The following KANK2 variants were observed in gnomAD, a reference collection of about 807,000 sequenced individuals.
KANK2 encodes the protein KN motif and ankyrin repeat domains 2, also known as KN motif and ankyrin repeat domain-containing protein 2.
A neutral mutation model predicts 74.6 loss-of-function variants in KANK2; 41 were observed. That is an observed-to-expected ratio of 0.55 (90% CI 0.43 to 0.71). The LOEUF is 0.71. Ranked by LOEUF, KANK2 falls within the 30% of genes least tolerant of loss-of-function variation. The pLI is 0.00. For missense variants in KANK2, 1,148 were observed against 1,196.4 expected, an observed-to-expected ratio of 0.96 and a Z score of 0.60; for synonymous variants, 537 against 519.0, an observed-to-expected ratio of 1.03 and a Z score of -0.47.
chr19:11,184,302 G>T (rs2031648186), intron 4 of KANK2, among the ~76,000 whole-genome samples: 1 of 150,108 alleles, frequency 6.7e-6, no homozygotes. Context: ...CTTGAACCTG[G>T]GAGGCAGAGG....
chr19:11,168,334 G>A (rs1232766735), intron 12 of KANK2, among the ~76,000 whole-genome samples: 3 of 150,830 alleles, frequency 2.0e-5, no homozygotes, highest in Non-Finnish European at 4.4e-5. Flanking sequence ...AGACAAGGCG[G>A]CACTCTGTCA....
In KANK2 at chr19:11,175,937, G is replaced by C; in HGVS notation, c.1813C>G (p.Leu605Val). 3 of 1,613,968 alleles carry C rather than the reference G, an allele frequency of 1.9e-6. No homozygotes were observed. The highest frequency in any genetic ancestry group is 2.5e-6 in the Non-Finnish European group (3 of 1,179,920). The change falls in exon 8 of 13, where the codon CTG (leucine) becomes GTG (valine). Residue 605 changes from leucine (L) to valine (V), a missense_variant. Transcript: ENST00000586659. ...ISACLALEKY[L>V]DNPNALTERE... Reference sequence around the variant, plus strand: ...TCTGTGAGGGCGTTGGGATTGTCCAGGTACTTTTCCAGGGCCAAGCAGGCT... The same window carrying C: ...TCTGTGAGGGCGTTGGGATTGTCCACGTACTTTTCCAGGGCCAAGCAGGCT...
chr19:11,186,825 G>A (rs1358745654), intron 4 of KANK2, among the ~76,000 whole-genome samples: 1 of 152,212 alleles, frequency 6.6e-6, no homozygotes, highest in African/African-American at 2.4e-5. Context: ...TTTTGGAAAG[G>A]ATCAGACAGG....
intron 9 of KANK2, among the ~76,000 whole-genome samples, chr19:11,174,001 C>T (rs779707673): frequency 6.6e-6 from 1 of 152,098 alleles, no homozygotes; most frequent in Non-Finnish European, 1.5e-5. Flanking sequence ...GTGCCCCCCC[C>T]ATCAGACTGG....
rs1600811720 is a variant in KANK2 at position 11,176,792 on chromosome 19, T to C, written c.1546A>G (p.Ser516Gly). 1.3e-6 allele frequency: 2 copies of C among 1,555,968 alleles called. No homozygotes were observed. Among genetic ancestry groups the C allele is most frequent in the East Asian group, 2.3e-5 (1 of 43,214 alleles). ...TTGTCTGAGATGTTCTCTGCTGTGC[T>C]GGAGTCCTCGGATGACGACTCATAC... Reference protein sequence around the residue: ...GGYESSSEDSSTAENISDNDS... With the variant: ...GGYESSSEDSGTAENISDNDS... Residue 516 changes from serine to glycine, a missense_variant, in exon 7 of 13, where the codon AGC becomes GGC. Physicochemically the swap from Ser to Gly is moderately conservative, Grantham distance 56. Coordinates refer to ENST00000586659, the MANE Select transcript of KANK2 (RefSeq NM_001136191.3).
rs1449292934 is a variant in KANK2, at chr19:11,176,707, G to A, written c.1631C>T (p.Ala544Val). Reference protein sequence around the residue: ...PRERVPSVAEAPQLRPAGTAA... With the variant: ...PRERVPSVAEVPQLRPAGTAA... ...CGTCCCTGCAGGCCTGAGCTGGGGG[G>A]CTTCGGCCACACTCGGAACCCTCTC... is the stretch of plus-strand genomic sequence containing the variant. Residue 544 changes from alanine to valine, a missense_variant, in exon 7 of 13, where the codon GCC becomes GTC. By Grantham distance (64) the Ala-to-Val change is moderately conservative (BLOSUM62 0). Coordinates refer to ENST00000586659, the MANE Select transcript of KANK2 (RefSeq NM_001136191.3). 1.9e-6 allele frequency: 3 copies of A among 1,612,412 alleles called. No individual in the cohort carries two copies. Among genetic ancestry groups the A allele is most frequent in the East Asian group, 2.2e-5 (1 of 44,850 alleles).
At chr19:11,171,688 T>A (rs2078177815) in intron 10 of KANK2, among the ~76,000 whole-genome samples, 1 of 151,142 alleles carries the variant, frequency 6.6e-6, no homozygotes, top group Non-Finnish European at 1.5e-5. Flanking sequence ...CCTTAATTTT[T>A]TTTTTTTTGA....
chr19:11,166,710 G>A, intron 12 of KANK2, 99 bp from the exon 13 acceptor site: 1 of 1,166,988 alleles, frequency 8.6e-7, no homozygotes, highest in South Asian at 1.3e-5. Flanking sequence ...GGGTAAGCAG[G>A]AGGGAGGCGT....
intron 4 of KANK2, 26 bp downstream of exon 4, chr19:11,192,805 T>A: frequency 1.5e-6 from 2 of 1,318,848 alleles, no homozygotes; most frequent in Non-Finnish European, 2.1e-6. Context: ...CAAGCCATTC[T>A]CCCCTGCCTG....
At position 11,166,600 on chromosome 19, in the gene KANK2, C is replaced by T; in HGVS notation, c.2514G>A (p.Met838Ile). Reference protein sequence around the residue: ...RMNIKCSFAPMSDDESPTSSS... With the variant: ...RMNIKCSFAPISDDESPTSSS... ...ATGATGTAGGGCTCTCGTCATCTGA[C>T]ATTGGGGCAAACTGAAACAGAGAAG... Residue 838 changes from methionine (M) to isoleucine (I), a missense_variant, in exon 13 of 13, where the codon ATG (methionine) becomes ATA (isoleucine). Met to Ile is a conservative substitution (Grantham distance 10). Coordinates refer to ENST00000586659, the MANE Select transcript of KANK2 (RefSeq NM_001136191.3). 6.2e-7 allele frequency: 1 copy of T among 1,614,200 alleles called. No homozygotes were observed. The highest frequency in any genetic ancestry group is 2.2e-5 in the East Asian group (1 of 44,880).
At chr19:11,190,558 C>T (rs1317159123) in intron 4 of KANK2, among the ~76,000 whole-genome samples, 2 of 152,196 alleles carry the variant, frequency 1.3e-5, no homozygotes, top group Non-Finnish European at 2.9e-5. Flanking sequence ...CAGTACTTAA[C>T]CGTGTGCATT....
rs1021859000 is a variant in KANK2, at chr19:11,170,227, G to A, written c.2233C>T (p.Leu745=). 5 of 1,610,312 alleles carry A rather than the reference G, an allele frequency of 3.1e-6. No homozygotes were observed. The highest frequency in any genetic ancestry group is 3.4e-6 in the Non-Finnish European group (4 of 1,179,992). ...TCCACCCGCCCGTGGCTGACGGCCAGCATCAGGGCCGTCTGTCCTGCCTGG... is the reference window on the plus strand; with the variant it reads ...TCCACCCGCCCGTGGCTGACGGCCAACATCAGGGCCGTCTGTCCTGCCTGG... ...ASQAGQTALM[L]AVSHGRVDVV... The change falls in exon 11 of 13, where the codon CTG becomes TTG. Residue 745 remains leucine (L), a synonymous_variant. Coordinates refer to ENST00000586659, the MANE Select transcript of KANK2 (RefSeq NM_001136191.3). This position sits in a 1 kb window ranked among gnomAD's most constrained non-coding sequence, Gnocchi z 5.2.
chr19:11,179,390 G>C (rs546396460), intron 4 of KANK2, among the ~76,000 whole-genome samples: 1 of 150,324 alleles, frequency 6.7e-6, no homozygotes, highest in East Asian at 2.0e-4. Flanking sequence ...TGTAATCCCA[G>C]TACTTTAGGA....
chr19:11,187,762 T>A (rs1033754388), intron 4 of KANK2, among the ~76,000 whole-genome samples: 1 of 152,202 alleles, frequency 6.6e-6, no homozygotes, highest in Non-Finnish European at 1.5e-5. Flanking sequence ...ATTAAATATG[T>A]GCATTTTTTT....
At chr19:11,178,247 A>C in intron 6 of KANK2, 98 bp downstream of exon 6, 1 of 1,060,622 alleles carries the variant, frequency 9.4e-7, no homozygotes. Context: ...TAACCAAAGC[A>C]AGGAGCTCAG....
chr19:11,179,810 CT>C (rs1415525510), intron 4 of KANK2, among the ~76,000 whole-genome samples: 1 of 152,168 alleles, frequency 6.6e-6, no homozygotes, highest in Non-Finnish European at 1.5e-5. Flanking sequence ...GTCCAGTTTC[CT>C]TTTTGTGTAG....
chr19:11,175,781 T>C (rs2147441014), intron 8 of KANK2, 121 bp downstream of exon 8: 1 of 644,332 alleles, frequency 1.6e-6, no homozygotes. Context: ...TGCTCTGGGC[T>C]TCAGTGTCAG....
intron 2 of KANK2, chr19:11,194,882 C>T: frequency 5.0e-6 from 1 of 198,560 alleles, no homozygotes. Flanking sequence ...GGCTGGGGGG[C>T]CCCAAGCCCA....
rs1362637766 is a variant in KANK2, at chr19:11,166,276, A to C, written c.*282T>G. ...GATTGTTCTCAATGTTCTTCATAAAACCCACACCCCAGCATCAGCCCTGGC... is the reference window on the plus strand; with the variant it reads ...GATTGTTCTCAATGTTCTTCATAAACCCCACACCCCAGCATCAGCCCTGGC... On this transcript the variant is annotated 3_prime_UTR_variant, in exon 13 of 13. Coordinates refer to ENST00000586659, the MANE Select transcript of KANK2 (RefSeq NM_001136191.3). 3.0e-6 allele frequency: 1 copy of C among 338,246 alleles called. No homozygotes were observed. The highest frequency in any genetic ancestry group is 4.5e-5 in the East Asian group (1 of 22,032). 21.0% of individuals were successfully genotyped at this position (338,246 alleles called of 1,614,324 possible).
Sources: allele counts gnomAD v4.1 joint callset (sites outside exome capture counted in the v4.1 genomes callset), GRCh38; gene constraint gnomAD v4.1.1; non-coding constraint Gnocchi (gnomAD v3.1); transcripts MANE v1.5; gene names NCBI Gene and HGNC (gene_info 2026-07-23, HGNC 2026-07-21).